The following TEX11 variants were observed in gnomAD, a reference collection of about 807,000 sequenced individuals.
TEX11 encodes testis expressed 11.
TEX11 carries 7 observed loss-of-function variants against 84.4 expected under a neutral mutation model. That is an observed-to-expected ratio of 0.08 (90% confidence interval 0.05 to 0.16). The LOEUF is 0.16. Ranked by LOEUF, TEX11 falls within the 10% of genes least tolerant of loss-of-function variation. The pLI is 1.00. For missense variants in TEX11, 551 were observed against 660.5 expected, an observed-to-expected ratio of 0.83 and a Z score of 1.82; for synonymous variants, 264 against 222.8, an observed-to-expected ratio of 1.18 and a Z score of -1.64.
At chrX:70,771,737 T>C (rs1172137730) in intron 9 of TEX11, among the ~76,000 whole-genome samples, 2 of 111,851 alleles carry the variant, frequency 1.8e-5, no homozygotes, top group African/African-American at 6.5e-5. Flanking sequence ...CTGGAACTCT[T>C]CCATTTTGAC....
intron 9 of TEX11, among the ~76,000 whole-genome samples, chrX:70,759,404 A>C (rs1352532282): frequency 8.9e-6 from 1 of 111,843 alleles, no homozygotes; most frequent in Non-Finnish European, 1.9e-5. Flanking sequence ...GCAGCACATC[A>C]AAAAGCTTAT....
At chrX:70,739,375 A>G (rs1307183709) in intron 11 of TEX11, among the ~76,000 whole-genome samples, 1 of 107,316 alleles carries the variant, frequency 9.3e-6, no homozygotes, top group African/African-American at 3.4e-5. Context: ...AGTAAAACAC[A>G]TTGATCCTAA....
chrX:70,651,215 C>G (rs1213896271), intron 17 of TEX11, among the ~76,000 whole-genome samples: 1 of 111,816 alleles, frequency 8.9e-6, no homozygotes, highest in Non-Finnish European at 1.9e-5. Context: ...TCCCCTAATT[C>G]TTGTCCCGCG....
chrX:70,841,428 C>T (rs1174594415), intron 7 of TEX11, among the ~76,000 whole-genome samples: 1 of 110,844 alleles, frequency 9.0e-6, no homozygotes, highest in Non-Finnish European at 1.9e-5. Context: ...TTCTTTGAAA[C>T]CAACGAGAAC....
intron 9 of TEX11, among the ~76,000 whole-genome samples, chrX:70,777,479 G>A (rs2147782472): frequency 9.0e-6 from 1 of 110,726 alleles, no homozygotes; most frequent in Non-Finnish European, 1.9e-5. Context: ...AGAAACCCCC[G>A]TCTCTACTAA....
chrX:70,531,355 A>G (rs2087886364), intron 28 of TEX11, among the ~76,000 whole-genome samples: 1 of 111,849 alleles, frequency 8.9e-6, no homozygotes, highest in Admixed American at 9.6e-5. Flanking sequence ...CCCCTCTGCT[A>G]CTTTGTTCAC....
intron 8 of TEX11, 54 bp downstream of exon 8, chrX:70,833,459 T>C (rs2091388592): frequency 9.8e-7 from 1 of 1,023,365 alleles, no homozygotes; most frequent in African/African-American, 1.9e-5. Context: ...TGATTCTTCC[T>C]GGAACTTGAT....
chrX:70,742,893 C>T lies in TEX11; in HGVS notation c.747+1272G>A, dbSNP rs766185613. 5.4e-5 allele frequency among the ~76,000 whole-genome samples: 6 copies of T among 110,829 alleles called. No individual in the cohort carries two copies. In the East Asian group the frequency reaches 1.1e-3, roughly 21 times the overall value. The stretch of plus-strand genomic sequence containing the variant: ...GACTACAGGTACACACCACTGCACC[C>T]GGCTCCATGACCATCTTAAACATTT... On this transcript the variant is annotated intron_variant, in intron 10 of 29. Transcript: ENST00000374333.
chrX:70,879,604 T>C (rs1415963060), intron 3 of TEX11, among the ~76,000 whole-genome samples: 3 of 111,115 alleles, frequency 2.7e-5, no homozygotes, highest in African/African-American at 6.5e-5. Flanking sequence ...TCCACTACTT[T>C]GTTGCAAAGG....
chrX:70,659,729 G>A (rs1224003956), intron 16 of TEX11, among the ~76,000 whole-genome samples: 1 of 111,954 alleles, frequency 8.9e-6, no homozygotes, highest in Non-Finnish European at 1.9e-5. Context: ...ACTGAAAGCA[G>A]GAACTCAAAA....
intron 12 of TEX11, 123 bp from the exon 13 acceptor site, chrX:70,722,819 T>A (rs2090570732): frequency 3.9e-6 from 2 of 518,088 alleles, no homozygotes; most frequent in South Asian, 6.3e-5. Flanking sequence ...ATGTTTTGCC[T>A]AAAAATTTAT....
chrX:70,906,307 C>T (rs2091833921), intron 2 of TEX11, among the ~76,000 whole-genome samples: 1 of 105,883 alleles, frequency 9.4e-6, no homozygotes, highest in African/African-American at 3.4e-5. Flanking sequence ...GTGGTAGGTA[C>T]ACAGATGTTC....
intron 17 of TEX11, 80 bp downstream of exon 17, chrX:70,651,370 T>G (rs906629217): frequency 1.1e-5 from 7 of 646,880 alleles, no homozygotes; most frequent in Admixed American, 3.2e-5. Context: ...AAAAACAATG[T>G]TTTTTTCCCA....
At chrX:70,763,647 T>C (rs2147771495) in intron 9 of TEX11, among the ~76,000 whole-genome samples, 1 of 109,507 alleles carries the variant, frequency 9.1e-6, no homozygotes, top group African/African-American at 3.3e-5. Context: ...GGCAGAAATA[T>C]CTCATGCCAA....
At chrX:70,856,003 A>T (rs16991310) in intron 5 of TEX11, among the ~76,000 whole-genome samples, 5,276 of 111,543 alleles carry the variant, frequency 0.047, 303 homozygotes, top group African/African-American at 0.16. Context: ...CAATACAGTG[A>T]TACAAGCATA....
At chrX:70,735,581 A>T (rs761010506) in intron 11 of TEX11, among the ~76,000 whole-genome samples, 15 of 112,414 alleles carry the variant, frequency 1.3e-4, no homozygotes, top group Non-Finnish European at 2.6e-4. Context: ...TATTTATTGA[A>T]AACTACAAAA....
chrX:70,645,660 A>G (rs1448677369), intron 17 of TEX11, among the ~76,000 whole-genome samples: 2 of 111,914 alleles, frequency 1.8e-5, no homozygotes, highest in Non-Finnish European at 3.8e-5. Context: ...CTGAAAAAAT[A>G]TTAAAAACAT....
At chrX:70,628,987 A>C (rs1040561859) in intron 18 of TEX11, among the ~76,000 whole-genome samples, 1 of 112,282 alleles carries the variant, frequency 8.9e-6, no homozygotes, top group Non-Finnish European at 1.9e-5. Flanking sequence ...ATTTTCAGCC[A>C]TCTTAATCGA....
intron 17 of TEX11, among the ~76,000 whole-genome samples, chrX:70,641,885 A>G (rs1341939179): frequency 9.0e-6 from 1 of 111,642 alleles, no homozygotes; most frequent in African/African-American, 3.3e-5. Flanking sequence ...AAACACATGC[A>G]AAAGCTAACA....
Sources: gnomAD v4.1 joint callset for allele counts (sites outside exome capture counted in the v4.1 genomes callset) on GRCh38, gnomAD v4.1.1 for gene constraint, MANE v1.5 for transcripts, NCBI Gene and HGNC (gene_info 2026-07-23, HGNC 2026-07-21) for gene names.